CCDC3: variants seen among roughly 807,000 people sequenced by gnomAD.
CCDC3 encodes the protein coiled-coil domain containing 3.
A neutral mutation model predicts 21.4 loss-of-function variants in CCDC3; 24 were observed. The ratio of observed to expected loss-of-function variants is 1.12; its 90% CI spans 0.81 to 1.58. The LOEUF (loss-of-function observed/expected upper bound fraction) is 1.58. Ranked by LOEUF, CCDC3 falls within the 40% of genes most tolerant of loss-of-function variation. The probability of loss-of-function intolerance (pLI) is 0.00; values close to 1 mark genes in which losing one functional copy is unlikely to be tolerated. For missense variants in CCDC3, 425 were observed against 360.9 expected, an observed-to-expected ratio of 1.18 and a Z score of -1.44; for synonymous variants, 186 against 166.0, an observed-to-expected ratio of 1.12 and a Z score of -0.93.
chr10:13,080,897 C>CA (rs1251745670), intron 3 of CCDC3, among the ~76,000 whole-genome samples: 1 of 152,242 alleles, frequency 6.6e-6, no homozygotes, highest in African/African-American at 2.4e-5. Flanking sequence ...GGGTGAGTCA[C>CA]AAGGCCCCTC....
At chr10:12,931,917 C>T (rs1411079108) in intron 2 of CCDC3, among the ~76,000 whole-genome samples, 2 of 152,172 alleles carry the variant, frequency 1.3e-5, no homozygotes, top group Non-Finnish European at 2.9e-5. Flanking sequence ...GAAAATATTA[C>T]ATTTTTTATA....
At chr10:13,024,825 C>T (rs1181177701) in intron 5 of CCDC3, among the ~76,000 whole-genome samples, 3 of 152,150 alleles carry the variant, frequency 2.0e-5, no homozygotes, top group Non-Finnish European at 4.4e-5. Flanking sequence ...ACCAAGGCAA[C>T]CGTTCTGTTA....
intron 2 of CCDC3, among the ~76,000 whole-genome samples, chr10:12,918,695 A>T (rs1036548508): frequency 2.0e-5 from 3 of 152,174 alleles, no homozygotes; most frequent in Admixed American, 1.3e-4. Flanking sequence ...CCCATGTAAC[A>T]CTATGTGTGA....
At chr10:12,911,050 G>A (rs935363205) in intron 2 of CCDC3, among the ~76,000 whole-genome samples, 2 of 152,084 alleles carry the variant, frequency 1.3e-5, no homozygotes, top group African/African-American at 4.8e-5. Flanking sequence ...TATTCTTAGC[G>A]ACCTCTTCAA....
chr10:13,054,696 T>C (rs1836659007), intron 4 of CCDC3, among the ~76,000 whole-genome samples: 1 of 152,090 alleles, frequency 6.6e-6, no homozygotes, highest in South Asian at 2.1e-4. Flanking sequence ...AGCCAGAATT[T>C]CCCTCTTGTT....
intron 2 of CCDC3, among the ~76,000 whole-genome samples, chr10:12,901,830 T>C (rs1196136858): frequency 6.6e-6 from 1 of 152,218 alleles, no homozygotes; most frequent in African/African-American, 2.4e-5. Context: ...CCACATTTTA[T>C]ACCCAAGGCA....
intron 3 of CCDC3, among the ~76,000 whole-genome samples, chr10:13,078,240 C>G (rs906884670): frequency 2.0e-5 from 3 of 152,084 alleles, no homozygotes; most frequent in African/African-American, 7.2e-5. Context: ...ATTTATGCAG[C>G]CAAAAAACAC....
chr10:13,040,687 T>TCACG (rs1554763772), intron 5 of CCDC3, among the ~76,000 whole-genome samples: 6 of 142,752 alleles, frequency 4.2e-5, no homozygotes, highest in Non-Finnish European at 9.1e-5. Flanking sequence ...CAAAACTCTG[T>TCACG]CACACACACA....
chr10:12,910,826 C>A (rs1834260856), intron 2 of CCDC3, among the ~76,000 whole-genome samples: 1 of 152,034 alleles, frequency 6.6e-6, no homozygotes, highest in African/African-American at 2.4e-5. Flanking sequence ...AACTCCTGAC[C>A]TCCAATGATC....
intron 2 of CCDC3, among the ~76,000 whole-genome samples, chr10:12,992,425 T>G (rs1835695778): frequency 6.6e-6 from 1 of 151,880 alleles, no homozygotes; most frequent in South Asian, 2.1e-4. Context: ...ACAACTCCAT[T>G]GAGATAAAGA....
chr10:13,051,007 C>A (rs929845714), intron 4 of CCDC3, among the ~76,000 whole-genome samples: 2 of 152,012 alleles, frequency 1.3e-5, no homozygotes, highest in Admixed American at 1.3e-4. Flanking sequence ...CCCAGGCTGG[C>A]CTCAAACTCC....
chr10:13,008,819 A>G (rs1018082273), intron 5 of CCDC3, among the ~76,000 whole-genome samples: 2 of 152,224 alleles, frequency 1.3e-5, no homozygotes, highest in Admixed American at 1.3e-4. Context: ...TATGCAGTCT[A>G]CTGCTAACCT....
intron 2 of CCDC3, among the ~76,000 whole-genome samples, chr10:12,980,993 G>A (rs984450284): frequency 6.6e-6 from 1 of 152,142 alleles, no homozygotes; most frequent in Admixed American, 6.5e-5. Context: ...AGGCTGGCTT[G>A]AGGAGTCTCT....
intron 3 of CCDC3, among the ~76,000 whole-genome samples, chr10:13,097,545 G>A (rs1034922715): frequency 2.0e-5 from 3 of 152,238 alleles, no homozygotes; most frequent in Middle Eastern, 3.4e-3. Flanking sequence ...TCAACATGGC[G>A]AAACCTCATC....
At position 12,979,680 on chromosome 10, in the gene CCDC3, C is replaced by A. The variant is rs76209226; in HGVS notation, c.549+18658G>T. Among the ~76,000 whole-genome samples, 554 of 152,250 alleles carry A rather than the reference C, an allele frequency of 3.6e-3. 4 individuals are homozygous for A. Among genetic ancestry groups the A allele is most frequent in the African/African-American group, 0.013 (534 of 41,556 alleles). On this transcript the variant is annotated intron_variant, in intron 2 of 2. Transcript: ENST00000378825. Reference sequence around the variant, plus strand: ...AGTCACCACACCTGGCCCCCAAAACCCTCTTTGGAAAAGCACAGGTCAAAC... The same window carrying A: ...AGTCACCACACCTGGCCCCCAAAACACTCTTTGGAAAAGCACAGGTCAAAC...
intron 3 of CCDC3, among the ~76,000 whole-genome samples, chr10:13,097,094 A>G (rs187472915): frequency 6.2e-4 from 94 of 152,338 alleles, no homozygotes; most frequent in African/African-American, 2.1e-3. Context: ...TGGAAAGGGA[A>G]CACAAGGAAC....
chr10:13,024,287 C>T lies in CCDC3; in HGVS notation c.-2+25387G>A, dbSNP rs188274113. On this transcript the variant is annotated intron_variant, in intron 5 of 6. Coordinates refer to the CCDC3 transcript ENST00000378839. ...AAAATTTGTATAGTTTTATATGCAT[C>T]AAACTGTAATCTCCATTAGAGAAAA... 5.3e-5 allele frequency among the ~76,000 whole-genome samples: 8 copies of T among 151,968 alleles called. No individual in the cohort carries two copies. The East Asian group carries it at 1.5e-3, about 29-fold the overall frequency.
At chr10:13,025,550 A>T (rs10796003) in intron 5 of CCDC3, among the ~76,000 whole-genome samples, 19,568 of 152,266 alleles carry the variant, frequency 0.13, 1,402 homozygotes, top group Middle Eastern at 0.19. Flanking sequence ...ATCTTGTTAA[A>T]TATAACGTCA....
intron 2 of CCDC3, among the ~76,000 whole-genome samples, chr10:12,915,747 T>G (rs561047820): frequency 8.5e-5 from 13 of 152,240 alleles, no homozygotes; most frequent in Admixed American, 7.2e-4. Flanking sequence ...AACTTGTTAA[T>G]TGGTACTGTG....
Sources: allele counts gnomAD v4.1 joint callset (sites outside exome capture counted in the v4.1 genomes callset), GRCh38; gene constraint gnomAD v4.1.1; transcripts MANE v1.5; gene names NCBI Gene and HGNC (gene_info 2026-07-23, HGNC 2026-07-21).